HBM: variants seen among roughly 807,000 people sequenced by gnomAD.
HBM encodes alpha globin pseudogene 2.
HBM carries 9 observed loss-of-function variants against 12.8 expected under a neutral mutation model. That is an observed-to-expected ratio of 0.70 (90% confidence interval 0.42 to 1.23). HBM has a LOEUF of 1.23. HBM is among the 50% of genes most tolerant of loss of function. HBM has a pLI of 0.00. For synonymous variants in HBM, 100 were observed against 92.0 expected (o/e 1.09, Z -0.50); for missense variants, 214 against 195.4 (o/e 1.10, Z -0.57).
At chr16:166,128 G>A in intron 1 of HBM, 39 bp downstream of exon 1, 1 of 1,541,678 alleles carries the variant, frequency 6.5e-7, no homozygotes, top group Non-Finnish European at 8.8e-7. Context: ...CAGGGAGGTG[G>A]AGATGAGGGT....
At chr16:166,172 T>A in intron 1 of HBM, 83 bp downstream of exon 1, 4 of 1,434,182 alleles carry the variant, frequency 2.8e-6, no homozygotes, top group Non-Finnish European at 3.7e-6. Flanking sequence ...CCATCCAAGG[T>A]CCTTCGGGTG....
In HBM at chr16:166,711, C is replaced by T; in HGVS notation, c.*3C>T. The T allele has an allele frequency of 6.2e-7, 1 of 1,613,954 alleles. No individual in the cohort carries two copies. The highest frequency in any genetic ancestry group is 8.5e-7 in the Non-Finnish European group (1 of 1,179,950). ...TGCTGACCGAAAAATACCGCTGAGC[C>T]CTGTGCTGCGCAGGCCTTGGTCTGT... On this transcript the variant is annotated 3_prime_UTR_variant, in exon 3 of 3. Coordinates refer to ENST00000356815, the MANE Select transcript of HBM (RefSeq NM_001003938.4).
Position 166,018 on chromosome 16 carries a change from C to T in HBM, c.21C>T (p.Arg7=). The T allele has an allele frequency of 6.3e-7, 1 of 1,592,722 alleles. No homozygotes were observed. Among genetic ancestry groups the T allele is most frequent in the Non-Finnish European group, 8.5e-7 (1 of 1,174,288 alleles). MLSAQE[R]AQIAQVWDLI... ...GCGCCATGCTCAGCGCCCAGGAGCG[C>T]GCCCAAATCGCGCAGGTCTGGGACC... is the stretch of plus-strand genomic sequence containing the variant. The change falls in exon 1 of 3, where the codon CGC becomes CGT. Residue 7 remains arginine (R), a synonymous_variant. Coordinates refer to ENST00000356815, the MANE Select transcript of HBM (RefSeq NM_001003938.4).
chr16:166,611 C>T lies in HBM; in HGVS notation c.329C>T (p.Ala110Val), dbSNP rs1354181991. The T allele has an allele frequency of 2.5e-6, 4 of 1,613,858 alleles. No homozygotes were observed. The highest frequency in any genetic ancestry group is 1.3e-5 in the African/African-American group (1 of 74,950). Residue 110 changes from alanine (A) to valine (V), a missense_variant, in exon 3 of 3, where the codon GCC becomes GTC. Transcript: ENST00000356815. ...LLIQCFHVVLASHLQDEFTVQ... is the reference protein window; with the variant it reads ...LLIQCFHVVLVSHLQDEFTVQ... ...ATCCAGTGTTTCCACGTCGTGCTGG[C>T]CTCCCACCTGCAGGACGAGTTCACC...
At position 166,291 on chromosome 16, in the gene HBM, C is replaced by A; in HGVS notation, c.116C>A (p.Thr39Asn). Residue 39 changes from threonine to asparagine, a missense_variant, in exon 2 of 3, where the codon ACC becomes AAC. Thr to Asn is a moderately conservative substitution (Grantham distance 65). Coordinates refer to ENST00000356815, the MANE Select transcript of HBM (RefSeq NM_001003938.4). ...AGGCTCTTCACGGTGTACCCCAGCACCAAGGTCTACTTCCCGCACCTGAGC... is the reference window on the plus strand; with the variant it reads ...AGGCTCTTCACGGTGTACCCCAGCAACAAGGTCTACTTCCCGCACCTGAGC... ...LLRLFTVYPS[T>N]KVYFPHLSAC... The A allele has an allele frequency of 6.3e-7, 1 of 1,595,808 alleles. No homozygotes were observed. The highest frequency in any genetic ancestry group is 8.5e-7 in the Non-Finnish European group (1 of 1,178,806).
chr16:166,329 G>C lies in HBM; in HGVS notation c.154G>C (p.Ala52Pro). Residue 52 changes from alanine to proline, a missense_variant, in exon 2 of 3, where the codon GCG becomes CCG. Physicochemically the swap from Ala to Pro is conservative, Grantham distance 27. Coordinates refer to ENST00000356815, the MANE Select transcript of HBM (RefSeq NM_001003938.4). ...YFPHLSACQDATQLLSHGQRM... is the reference protein window; with the variant it reads ...YFPHLSACQDPTQLLSHGQRM... ...CCCGCACCTGAGCGCCTGCCAGGAC[G>C]CGACGCAGCTGCTGAGCCACGGGCA... The C allele has an allele frequency of 6.3e-7, 1 of 1,595,258 alleles. No individual in the cohort carries two copies. Among genetic ancestry groups the C allele is most frequent in the Non-Finnish European group, 8.5e-7 (1 of 1,178,606 alleles).
At position 166,101 on chromosome 16, in the gene HBM, C is replaced by G; in HGVS notation, c.92+12C>G. The G allele has an allele frequency of 1.3e-6, 2 of 1,582,710 alleles. No homozygotes were observed. Among genetic ancestry groups the G allele is most frequent in the Non-Finnish European group, 1.7e-6 (2 of 1,161,404 alleles). ...GAGCTGCTGCTCAGGTCGGTAGAGG[C>G]GGGGTCTCCGGGAGCTCAGGGAGGT... On this transcript the variant is annotated intron_variant, in intron 1 of 2. Transcript: ENST00000356815.
At position 166,030 on chromosome 16, in the gene HBM, G is replaced by A. The variant is rs999330396; in HGVS notation, c.33G>A (p.Ala11=). Residue 11 remains alanine, a synonymous_variant, in exon 1 of 3, where the codon GCG becomes GCA. Coordinates refer to ENST00000356815, the MANE Select transcript of HBM (RefSeq NM_001003938.4). MLSAQERAQI[A]QVWDLIAGHE... is the part of the protein sequence containing the mutation. ...GCGCCCAGGAGCGCGCCCAAATCGC[G>A]CAGGTCTGGGACCTGATTGCGGGCC... The A allele has an allele frequency of 1.9e-6, 3 of 1,599,150 alleles. No homozygotes were observed. Among genetic ancestry groups the A allele is most frequent in the Non-Finnish European group, 2.6e-6 (3 of 1,176,358 alleles).
Position 166,081 on chromosome 16 carries a change from G to C in HBM, c.84G>C (p.Leu28=), listed in dbSNP as rs78153988. The C allele has an allele frequency of 1.5e-3, 2,423 of 1,602,666 alleles. 25 individuals are homozygous for C. In the African/African-American group the frequency reaches 0.029, roughly 19 times the overall value. The change falls in exon 1 of 3, where the codon CTG becomes CTC. Residue 28 remains leucine, a synonymous_variant. Coordinates refer to ENST00000356815, the MANE Select transcript of HBM (RefSeq NM_001003938.4). ...AGHEAQFGAE[L]LLRLFTVYPS... ...ACGAGGCGCAATTCGGGGCGGAGCT[G>C]CTGCTCAGGTCGGTAGAGGCGGGGT...
At position 165,985 on chromosome 16, in the gene HBM, G is replaced by A. The variant is rs894841836; in HGVS notation, c.-13G>A. The A allele has an allele frequency of 1.3e-6, 2 of 1,565,712 alleles. No homozygotes were observed. Among genetic ancestry groups the A allele is most frequent in the Non-Finnish European group, 8.6e-7 (1 of 1,161,664 alleles). On this transcript the variant is annotated 5_prime_UTR_variant, in exon 1 of 3. Transcript: ENST00000356815. ...GCGGCGGGCGCGGCCCCCAGAGCAC[G>A]TCAGGCGGCGCCATGCTCAGCGCCC... is the stretch of plus-strand genomic sequence containing the variant.
In HBM at chr16:166,691, A is replaced by C; in HGVS notation, c.409A>C (p.Thr137Pro). Residue 137 changes from threonine to proline, a missense_variant, in exon 3 of 3, where the codon ACC (threonine) becomes CCC (proline). Thr to Pro is a conservative substitution (Grantham distance 38, BLOSUM62 -1). Coordinates refer to ENST00000356815, the MANE Select transcript of HBM (RefSeq NM_001003938.4). ...CCTGACTGGTGTGGCCGTGGTGCTG[A>C]CCGAAAAATACCGCTGAGCCCTGTG... ...KFLTGVAVVL[T>P]EKYR 1.9e-6 allele frequency: 3 copies of C among 1,614,044 alleles called. No homozygotes were observed. The highest frequency in any genetic ancestry group is 2.5e-6 in the Non-Finnish European group (3 of 1,179,988).
Position 166,590 on chromosome 16 carries a change from A to C in HBM, c.308A>C (p.Gln103Pro), listed in dbSNP as rs1309563106. ...CCCCTTCTCCTGCAGCTGCTAATCC[A>C]GTGTTTCCACGTCGTGCTGGCCTCC... ...VDPANFPLLI[Q>P]CFHVVLASHL... Residue 103 changes from glutamine to proline, a missense_variant, in exon 3 of 3, where the codon CAG becomes CCG. By Grantham distance (76) the Gln-to-Pro change is moderately conservative. Coordinates refer to ENST00000356815, the MANE Select transcript of HBM (RefSeq NM_001003938.4). 1.2e-6 allele frequency: 2 copies of C among 1,613,594 alleles called. No homozygotes were observed. The highest frequency in any genetic ancestry group is 2.2e-5 in the South Asian group (2 of 90,932).
chr16:166,376 C>T lies in HBM; in HGVS notation c.201C>T (p.Gly67=). The change falls in exon 2 of 3, where the codon GGC becomes GGT. Residue 67 remains glycine (G), a synonymous_variant. Coordinates refer to ENST00000356815, the MANE Select transcript of HBM (RefSeq NM_001003938.4). The part of the protein sequence containing the change: ...SHGQRMLAAV[G]AAVQHVDNLR... ...GGCAGCGCATGCTGGCGGCTGTGGG[C>T]GCGGCGGTGCAGCACGTGGACAACC... 6.3e-7 allele frequency: 1 copy of T among 1,579,118 alleles called. No homozygotes were observed. Among genetic ancestry groups the T allele is most frequent in the African/African-American group, 1.3e-5 (1 of 74,436 alleles).
In HBM at chr16:166,487, GC is replaced by G. The variant is rs1308763363; in HGVS notation, c.297+17del. 6 of 1,556,280 alleles carry G rather than the reference GC, an allele frequency of 3.9e-6. No individual in the cohort carries two copies. The highest frequency in any genetic ancestry group is 3.5e-4 in the Middle Eastern group (2 of 5,762). ...CCAACTTTCCGGTGAGGCCTTTCCG[GC>G]CGGGGCAATGGTGCAGCGCGCAGCC... On this transcript the variant is annotated intron_variant, in intron 2 of 2. Coordinates refer to ENST00000356815, the MANE Select transcript of HBM (RefSeq NM_001003938.4).
Position 166,404 on chromosome 16 carries a change from C to A in HBM, c.229C>A (p.Arg77Ser), listed in dbSNP as rs1435047754. 3 of 1,563,142 alleles carry A rather than the reference C, an allele frequency of 1.9e-6. No individual in the cohort carries two copies. The highest frequency in any genetic ancestry group is 2.6e-6 in the Non-Finnish European group (3 of 1,162,316). Residue 77 changes from arginine to serine, a missense_variant, in exon 2 of 3, where the codon CGC becomes AGC. By Grantham distance (110) the Arg-to-Ser change is moderately radical. Transcript: ENST00000356815. ...GGCGGTGCAGCACGTGGACAACCTGCGCGCCGCGCTGAGCCCGCTGGCGGA... is the reference window on the plus strand; with the variant it reads ...GGCGGTGCAGCACGTGGACAACCTGAGCGCCGCGCTGAGCCCGCTGGCGGA... ...GAAVQHVDNL[R>S]AALSPLADLH...
At position 166,102 on chromosome 16, in the gene HBM, G is replaced by C. The variant is rs761802862; in HGVS notation, c.92+13G>C. The stretch of plus-strand genomic sequence containing the variant: ...AGCTGCTGCTCAGGTCGGTAGAGGC[G>C]GGGTCTCCGGGAGCTCAGGGAGGTG... On this transcript the variant is annotated intron_variant, in intron 1 of 2. Coordinates refer to ENST00000356815, the MANE Select transcript of HBM (RefSeq NM_001003938.4). 8 of 1,584,350 alleles carry C rather than the reference G, an allele frequency of 5.0e-6. No homozygotes were observed. In the Admixed American group the frequency reaches 1.4e-4, roughly 27 times the overall value.
chr16:166,193 G>GA, intron 1 of HBM, 75 bp from the exon 2 acceptor site: 1 of 1,479,940 alleles, frequency 6.8e-7, no homozygotes, highest in Non-Finnish European at 9.2e-7. Context: ...CGGATCCCCG[G>GA]GCTCTGGGCG....
At chr16:166,121 G>A in intron 1 of HBM, 32 bp downstream of exon 1, 1 of 1,559,212 alleles carries the variant, frequency 6.4e-7, no homozygotes, top group East Asian at 2.3e-5. Flanking sequence ...GGGAGCTCAG[G>A]GAGGTGGAGA....
Position 166,307 on chromosome 16 carries a change from G to T in HBM, c.132G>T (p.Pro44=), listed in dbSNP as rs997536884. The part of the protein sequence containing the change: ...TVYPSTKVYF[P]HLSACQDATQ... ...ACCCCAGCACCAAGGTCTACTTCCCGCACCTGAGCGCCTGCCAGGACGCGA... is the reference window on the plus strand; with the variant it reads ...ACCCCAGCACCAAGGTCTACTTCCCTCACCTGAGCGCCTGCCAGGACGCGA... The change falls in exon 2 of 3, where the codon CCG becomes CCT. Residue 44 remains proline, a synonymous_variant. Coordinates refer to ENST00000356815, the MANE Select transcript of HBM (RefSeq NM_001003938.4). 3.1e-6 allele frequency: 5 copies of T among 1,595,326 alleles called. No homozygotes were observed. The African/African-American group carries it at 4.0e-5, about 13-fold the overall frequency.
Sources: gnomAD v4.1 joint callset for allele counts on GRCh38, gnomAD v4.1.1 for gene constraint, MANE v1.5 for transcripts, NCBI Gene and HGNC (gene_info 2026-07-23, HGNC 2026-07-21) for gene names.